Variants in MRPS7 observed in about 807,000 individuals in gnomAD.
MRPS7 encodes the protein small ribosomal subunit protein uS7m.
MRPS7 carries 13 observed loss-of-function variants against 26.2 expected under a neutral mutation model. The observed-to-expected ratio is 0.50, with a 90% confidence interval of 0.32 to 0.79. The LOEUF is 0.79. MRPS7 is among the 30% of genes least tolerant of loss of function. The probability of loss-of-function intolerance (pLI) is 0.03; values close to 1 mark genes in which losing one functional copy is unlikely to be tolerated. For missense variants in MRPS7, 318 were observed against 312.2 expected, an observed-to-expected ratio of 1.02 and a Z score of -0.14; for synonymous variants, 129 against 113.3, an observed-to-expected ratio of 1.14 and a Z score of -0.88.
chr17:75,263,622 C>T, intron 4 of MRPS7, 115 bp downstream of exon 4: 3 of 1,342,252 alleles, frequency 2.2e-6, no homozygotes, highest in East Asian at 2.3e-5. Flanking sequence ...TGGGATTGCA[C>T]CTGTAATCTC....
chr17:75,262,074 C>T, intron 1 of MRPS7, 91 bp downstream of exon 1: 4 of 1,443,720 alleles, frequency 2.8e-6, no homozygotes, highest in Non-Finnish European at 3.8e-6. Flanking sequence ...AGAGCATTGC[C>T]CTGGGGGCCG....
chr17:75,265,951 T>C lies in MRPS7; in HGVS notation c.*28T>C. On this transcript the variant is annotated 3_prime_UTR_variant, in exon 5 of 5. Coordinates refer to ENST00000245539, the MANE Select transcript of MRPS7 (RefSeq NM_015971.4). ...TCTCCAGGAGGAGCCCAGGGCCCTC[T>C]GCCGCAAGAAACAGTGTGAGCTACT... is the stretch of plus-strand genomic sequence containing the variant. The C allele has an allele frequency of 6.2e-7, 1 of 1,604,130 alleles. No individual in the cohort carries two copies. Among genetic ancestry groups the C allele is most frequent in the Non-Finnish European group, 8.5e-7 (1 of 1,172,958 alleles).
At position 75,263,385 on chromosome 17, in the gene MRPS7, G is replaced by T; in HGVS notation, c.385G>T (p.Ala129Ser). ...KRKQFEKYHAASAEEQATIER... is the reference protein window; with the variant it reads ...KRKQFEKYHASSAEEQATIER... Reference sequence around the variant, plus strand: ...GAAGCAGTTTGAGAAGTACCATGCCGCTTCTGCAGAGGAACAGGCAACCAT... The same window carrying T: ...GAAGCAGTTTGAGAAGTACCATGCCTCTTCTGCAGAGGAACAGGCAACCAT... Residue 129 changes from alanine to serine, a missense_variant, in exon 4 of 5, where the codon GCT (alanine) becomes TCT (serine). Physicochemically the swap from Ala to Ser is moderately conservative, Grantham distance 99. Transcript: ENST00000245539. The T allele has an allele frequency of 6.2e-7, 1 of 1,614,088 alleles. No homozygotes were observed. Among genetic ancestry groups the T allele is most frequent in the South Asian group, 1.1e-5 (1 of 91,078 alleles).
In MRPS7 at chr17:75,262,886, C is replaced by T. The variant is rs1440808391; in HGVS notation, c.339+19C>T. 2.8e-5 allele frequency: 45 copies of T among 1,612,482 alleles called. No homozygotes were observed. The highest frequency in any genetic ancestry group is 4.5e-5 in the East Asian group (2 of 44,870). ...GATTCAGGTAAACAGCACTTCCCTC[C>T]TCAGTCATCTTTCTTGCCCCCCTAC... On this transcript the variant is annotated intron_variant, in intron 3 of 4. Transcript: ENST00000245539.
At position 75,266,265 on chromosome 17, in the gene MRPS7, G is replaced by A. The variant is rs1162381858; in HGVS notation, c.*342G>A. On this transcript the variant is annotated 3_prime_UTR_variant, in exon 5 of 5. Coordinates refer to ENST00000245539, the MANE Select transcript of MRPS7 (RefSeq NM_015971.4). ...AAAAGATTTATTAGAAAATTCTCAC[G>A]CTGAACTGGTGTAGCATGTGGTGCA... 1.8e-5 allele frequency: 7 copies of A among 381,288 alleles called. No individual in the cohort carries two copies. Among genetic ancestry groups the A allele is most frequent in the South Asian group, 5.2e-5 (2 of 38,260 alleles). 23.6% of individuals were successfully genotyped at this position (381,288 alleles called of 1,614,324 possible).
Position 75,266,047 on chromosome 17 carries a change from G to C in MRPS7, c.*124G>C. Reference sequence around the variant, plus strand: ...AAGGGTGGGCAGGCCTCGTAAGAAAGATGTAGCAGCATATTCACTATCCGT... The same window carrying C: ...AAGGGTGGGCAGGCCTCGTAAGAAACATGTAGCAGCATATTCACTATCCGT... On this transcript the variant is annotated 3_prime_UTR_variant, in exon 5 of 5. Coordinates refer to ENST00000245539, the MANE Select transcript of MRPS7 (RefSeq NM_015971.4). 1.2e-6 allele frequency: 1 copy of C among 814,438 alleles called. No homozygotes were observed. The highest frequency in any genetic ancestry group is 2.0e-6 in the Non-Finnish European group (1 of 511,964). The allele number at this position is 814,438 out of a possible 1,614,324, so 50.5% of individuals were successfully genotyped here. A position where few individuals can be genotyped will look rare whatever the true frequency, so the allele number is the denominator to read the frequency against.
At chr17:75,263,698 G>A (rs2077444858) in intron 4 of MRPS7, 191 bp downstream of exon 4, 1 of 713,114 alleles carries the variant, frequency 1.4e-6, no homozygotes, top group Non-Finnish European at 2.3e-6. Flanking sequence ...GGGCAACATA[G>A]GGAGATCCCG....
rs1451846712 is a variant in MRPS7, at chr17:75,261,909, C to T, written c.9C>T (p.Ala3=). 10 of 1,608,666 alleles carry T rather than the reference C, an allele frequency of 6.2e-6. No individual in the cohort carries two copies. Among genetic ancestry groups the T allele is most frequent in the Non-Finnish European group, 8.5e-6 (10 of 1,179,772 alleles). The change falls in exon 1 of 5, where the codon GCC becomes GCT. Residue 3 remains alanine, a synonymous_variant. Coordinates refer to ENST00000245539, the MANE Select transcript of MRPS7 (RefSeq NM_015971.4). MA[A]PAVKVARGWS... ...CCTCGTGGCCAGCCAAGATGGCTGC[C>T]CCCGCAGTGAAGGTTGCCCGAGGAT...
Position 75,266,049 on chromosome 17 carries a change from T to C in MRPS7, c.*126T>C, listed in dbSNP as rs1363476955. 1.3e-6 allele frequency: 1 copy of C among 789,378 alleles called. No homozygotes were observed. Among genetic ancestry groups the C allele is most frequent in the Non-Finnish European group, 2.0e-6 (1 of 490,526 alleles). 48.9% of individuals were successfully genotyped at this position (789,378 alleles called of 1,614,324 possible). On this transcript the variant is annotated 3_prime_UTR_variant, in exon 5 of 5. Transcript: ENST00000245539. ...GGGTGGGCAGGCCTCGTAAGAAAGA[T>C]GTAGCAGCATATTCACTATCCGTTA...
At chr17:75,263,088 A>G in intron 3 of MRPS7, 2 of 633,292 alleles carry the variant, frequency 3.2e-6, no homozygotes, top group South Asian at 4.3e-5. Context: ...AAAAGGAACA[A>G]ATAAAAAATA....
At chr17:75,264,835 C>T (rs1408344871) in intron 4 of MRPS7, among the ~76,000 whole-genome samples, 5 of 151,450 alleles carry the variant, frequency 3.3e-5, no homozygotes, top group Non-Finnish European at 7.4e-5. Flanking sequence ...TTACAGGTGG[C>T]CGCCACCATG....
At chr17:75,263,236 C>T (rs1056161982) in intron 3 of MRPS7, 104 bp from the exon 4 acceptor site, 6 of 1,401,060 alleles carry the variant, frequency 4.3e-6, no homozygotes, top group Non-Finnish European at 5.9e-6. Context: ...AGCTGCATTG[C>T]CAGCGCAGAA....
In MRPS7 at chr17:75,265,956, C is replaced by A; in HGVS notation, c.*33C>A. ...AGGAGGAGCCCAGGGCCCTCTGCCG[C>A]AAGAAACAGTGTGAGCTACTGCCAC... On this transcript the variant is annotated 3_prime_UTR_variant, in exon 5 of 5. Coordinates refer to ENST00000245539, the MANE Select transcript of MRPS7 (RefSeq NM_015971.4). 1 of 1,598,670 alleles carries A rather than the reference C, an allele frequency of 6.3e-7. No individual in the cohort carries two copies. Among genetic ancestry groups the A allele is most frequent in the Non-Finnish European group, 8.6e-7 (1 of 1,168,698 alleles).
intron 4 of MRPS7, among the ~76,000 whole-genome samples, chr17:75,264,895 T>C (rs2077461448): frequency 6.6e-6 from 1 of 151,404 alleles, no homozygotes; most frequent in African/African-American, 2.4e-5. Context: ...TTGCTGTGTC[T>C]GAAGACTGAA....
At chr17:75,262,076 T>C (rs2077408349) in intron 1 of MRPS7, 93 bp downstream of exon 1, 1 of 1,436,060 alleles carries the variant, frequency 7.0e-7, no homozygotes, top group South Asian at 1.2e-5. Context: ...AGCATTGCCC[T>C]GGGGGCCGGA....
At position 75,266,113 on chromosome 17, in the gene MRPS7, C is replaced by T; in HGVS notation, c.*190C>T. On this transcript the variant is annotated 3_prime_UTR_variant, in exon 5 of 5. Coordinates refer to ENST00000245539, the MANE Select transcript of MRPS7 (RefSeq NM_015971.4). ...TGAGGCTGGAACTTGCTCTCTCTGC[C>T]CCTATTTCCTTGTAAAGAGGGAGCA... 1.6e-6 allele frequency: 1 copy of T among 608,460 alleles called. No individual in the cohort carries two copies. Among genetic ancestry groups the T allele is most frequent in the Non-Finnish European group, 2.9e-6 (1 of 347,934 alleles). The allele number at this position is 608,460 out of a possible 1,614,324, so 37.7% of individuals were successfully genotyped here.
chr17:75,263,056 G>A, intron 3 of MRPS7, 189 bp downstream of exon 3: 1 of 646,802 alleles, frequency 1.5e-6, no homozygotes, highest in African/African-American at 1.9e-5. Flanking sequence ...TGGTGTTTCG[G>A]AAGTAAACAC....
At chr17:75,262,890 G>C (rs759020246) in intron 3 of MRPS7, 23 bp downstream of exon 3, 1 of 1,612,114 alleles carries the variant, frequency 6.2e-7, no homozygotes, top group South Asian at 1.1e-5. Flanking sequence ...TCCCTCCTCA[G>C]TCATCTTTCT....
Position 75,262,544 on chromosome 17 carries a change from C to T in MRPS7, c.131C>T (p.Pro44Leu). ...CGCTATAGTCCTGAATTCAAGGATC[C>T]CTTGATTGACAAGGAATATTATCGC... ...WSRYSPEFKD[P>L]LIDKEYYRKP... Residue 44 changes from proline to leucine, a missense_variant, in exon 2 of 5, where the codon CCC becomes CTC. Physicochemically the swap from Pro to Leu is moderately conservative, Grantham distance 98. Coordinates refer to ENST00000245539, the MANE Select transcript of MRPS7 (RefSeq NM_015971.4). 6.2e-7 allele frequency: 1 copy of T among 1,614,156 alleles called. No homozygotes were observed. The highest frequency in any genetic ancestry group is 8.5e-7 in the Non-Finnish European group (1 of 1,180,032).
Sources: gnomAD v4.1 joint callset for allele counts (sites outside exome capture counted in the v4.1 genomes callset) on GRCh38, gnomAD v4.1.1 for gene constraint, MANE v1.5 for transcripts, NCBI Gene and HGNC (gene_info 2026-07-23, HGNC 2026-07-21) for gene names.